RGS7: variants seen among roughly 807,000 people sequenced by gnomAD.
RGS7 encodes the protein regulator of G protein signaling 7.
RGS7 carries 27 observed loss-of-function variants against 81.1 expected under a neutral mutation model. That is an observed-to-expected ratio of 0.33 (90% confidence interval 0.25 to 0.46). The LOEUF is 0.46. Among genes scored for constraint, RGS7 ranks in the 20% least tolerant of loss-of-function variants. The pLI, the probability that RGS7 is intolerant of heterozygous loss-of-function variation, is 1.00. For synonymous variants in RGS7, 208 were observed against 207.7 expected, an observed-to-expected ratio of 1.00 and a Z score of -0.01; for missense variants, 396 against 607.4, an observed-to-expected ratio of 0.65 and a Z score of 3.66.
chr1:241,075,826 G>A (rs1224128957), intron 3 of RGS7, among the ~76,000 whole-genome samples: 2 of 152,186 alleles, frequency 1.3e-5, no homozygotes, highest in African/African-American at 4.8e-5. Flanking sequence ...CTACTAGGAA[G>A]AGCTACCAAA....
At chr1:240,982,596 A>G (rs2148556548) in intron 4 of RGS7, among the ~76,000 whole-genome samples, 1 of 152,280 alleles carries the variant, frequency 6.6e-6, no homozygotes, top group East Asian at 1.9e-4. Flanking sequence ...TGACTTAAAT[A>G]GAGCGTTTCT....
chr1:241,103,990 C>G (rs1049697526), intron 2 of RGS7, among the ~76,000 whole-genome samples: 1 of 152,144 alleles, frequency 6.6e-6, no homozygotes, highest in Admixed American at 6.5e-5. Flanking sequence ...GCATTTAGGC[C>G]GGTTAGACCT....
At position 241,134,797 on chromosome 1, in the gene RGS7, G is replaced by A. The variant is rs536513077; in HGVS notation, c.79-36035C>T. ...TCCTCACTGAAAGATTGTCCCCGGGGCCTGAAAGCTTGAAGAGATGAGAAA... is the reference window on the plus strand; with the variant it reads ...TCCTCACTGAAAGATTGTCCCCGGGACCTGAAAGCTTGAAGAGATGAGAAA... On this transcript the variant is annotated intron_variant, in intron 2 of 18. Coordinates refer to ENST00000440928, the MANE Select transcript of RGS7 (RefSeq NM_001364886.1). Among the ~76,000 whole-genome samples, 5 of 152,218 alleles carry A rather than the reference G, an allele frequency of 3.3e-5. No individual in the cohort carries two copies. In the South Asian group the frequency reaches 1.0e-3, roughly 32 times the overall value.
chr1:240,806,365 C>A lies in RGS7; in HGVS notation c.1083-39G>T, dbSNP rs769588300. 1.9e-6 allele frequency: 3 copies of A among 1,589,214 alleles called. No homozygotes were observed. The South Asian group carries it at 3.3e-5, about 18-fold the overall frequency. On this transcript the variant is annotated intron_variant, in intron 14 of 18. Transcript: ENST00000440928. ...GAGATCGGGTGTTTACTCTGATGGCCCATCATCTGAAAATTCTTGTGACAT... is the reference window on the plus strand; with the variant it reads ...GAGATCGGGTGTTTACTCTGATGGCACATCATCTGAAAATTCTTGTGACAT...
chr1:241,078,485 A>ATGTGTGTG (rs60742879), intron 3 of RGS7, among the ~76,000 whole-genome samples: 111 of 143,608 alleles, frequency 7.7e-4, no homozygotes, highest in African/African-American at 2.7e-3. Flanking sequence ...CACGTAAGTT[A>ATGTGTGTG]TGTGTGTGTG....
chr1:240,780,534 C>T (rs1414738412), intron 18 of RGS7, among the ~76,000 whole-genome samples: 2 of 149,346 alleles, frequency 1.3e-5, no homozygotes, highest in Non-Finnish European at 3.0e-5. Context: ...GGAATGAATT[C>T]TTATATAGTA....
chr1:241,072,213 C>T (rs952713024), intron 3 of RGS7, among the ~76,000 whole-genome samples: 1 of 152,130 alleles, frequency 6.6e-6, no homozygotes, highest in African/African-American at 2.4e-5. Context: ...TTCTAAAAGA[C>T]CTTGAGTGGT....
At chr1:241,001,647 C>T (rs1236129733) in intron 3 of RGS7, among the ~76,000 whole-genome samples, 5 of 152,046 alleles carry the variant, frequency 3.3e-5, no homozygotes, top group African/African-American at 1.2e-4. Context: ...CATGGCAGAA[C>T]CTTAAGTGCA....
intron 2 of RGS7, among the ~76,000 whole-genome samples, chr1:241,155,608 G>T (rs2069066938): frequency 6.7e-6 from 1 of 149,718 alleles, no homozygotes; most frequent in Non-Finnish European, 1.5e-5. Flanking sequence ...AATGACCTAG[G>T]CTGTTACAAA....
intron 14 of RGS7, among the ~76,000 whole-genome samples, chr1:240,811,191 G>A (rs1340744859): frequency 2.0e-5 from 3 of 152,146 alleles, no homozygotes; most frequent in Non-Finnish European, 4.4e-5. Context: ...AAAGAATAAT[G>A]AATGAAAGAA....
At chr1:241,301,390 A>ATC (rs2079748248) in intron 2 of RGS7, among the ~76,000 whole-genome samples, 1 of 152,266 alleles carries the variant, frequency 6.6e-6, no homozygotes, top group East Asian at 1.9e-4. Context: ...AGGGGTTCAA[A>ATC]TAGAATCATC....
At chr1:240,928,485 C>T (rs188962174) in intron 6 of RGS7, among the ~76,000 whole-genome samples, 1 of 152,210 alleles carries the variant, frequency 6.6e-6, no homozygotes, top group African/African-American at 2.4e-5. Flanking sequence ...GAAACATCAA[C>T]CTACTATAAA....
At position 241,192,252 on chromosome 1, in the gene RGS7, C is replaced by CGTGTGTGT. The variant is rs56677676; in HGVS notation, c.79-93498_79-93491dup. 1.6e-3 allele frequency among the ~76,000 whole-genome samples: 199 copies of CGTGTGTGT among 124,752 alleles called. 1 individual carries two copies. The highest frequency in any genetic ancestry group is 8.0e-3 in the Middle Eastern group (2 of 250). The allele number at this position is 124,752 out of a possible 152,430, so 81.8% of individuals were successfully genotyped here. A position where few individuals can be genotyped will look rare whatever the true frequency, so the allele number is the denominator to read the frequency against. Reference sequence around the variant, plus strand: ...GGCTTGGTTTTATTTTCTGTCTGCACGTGTGTGTGTGTGTGTGTGTGTGTG... The same window carrying CGTGTGTGT: ...GGCTTGGTTTTATTTTCTGTCTGCACGTGTGTGTGTGTGTGTGTGTGTGTGTGTGTGTG... On this transcript the variant is annotated intron_variant, in intron 2 of 18. Coordinates refer to ENST00000440928, the MANE Select transcript of RGS7 (RefSeq NM_001364886.1).
rs2077899561 is a variant in RGS7, at chr1:241,271,613, A to T, written c.78+84086T>A. Among the ~76,000 whole-genome samples the T allele has an allele frequency of 6.6e-6, 1 of 152,172 alleles. No homozygotes were observed. Among genetic ancestry groups the T allele is most frequent in the African/African-American group, 2.4e-5 (1 of 41,434 alleles). On this transcript the variant is annotated intron_variant, in intron 2 of 18. Transcript: ENST00000440928. The surrounding 1 kb of genome is among the most constrained non-coding windows in gnomAD (Gnocchi z 4.6). The stretch of plus-strand genomic sequence containing the variant: ...TAGCATTTGAATGGTGGACTGAGTA[A>T]AGCAGACTGCCCATCCCACTGTGGG...
chr1:240,803,025 T>C (rs1232662081), intron 15 of RGS7, 32 bp from the exon 16 acceptor site: 6 of 1,455,190 alleles, frequency 4.1e-6, no homozygotes, highest in Middle Eastern at 3.6e-4. Context: ...GGTGCTTCTT[T>C]ATGATTTCTT....
intron 2 of RGS7, among the ~76,000 whole-genome samples, chr1:241,132,005 T>C (rs1572829268): frequency 6.6e-6 from 1 of 152,300 alleles, no homozygotes; most frequent in African/African-American, 2.4e-5. Context: ...CTGGAAAATG[T>C]GATGGATTGT....
At chr1:240,892,379 A>C (rs1162994577) in intron 6 of RGS7, among the ~76,000 whole-genome samples, 1 of 152,204 alleles carries the variant, frequency 6.6e-6, no homozygotes, top group Non-Finnish European at 1.5e-5. Context: ...TTGTATGCTC[A>C]CTTGACTGCA....
chr1:241,158,060 C>T (rs2069326304), intron 2 of RGS7, among the ~76,000 whole-genome samples: 1 of 151,730 alleles, frequency 6.6e-6, no homozygotes, highest in Non-Finnish European at 1.5e-5. Flanking sequence ...ACCTTATGAT[C>T]CGCCCGCCTC....
At chr1:241,037,173 G>A (rs1027286542) in intron 3 of RGS7, among the ~76,000 whole-genome samples, 1 of 152,132 alleles carries the variant, frequency 6.6e-6, no homozygotes, top group Non-Finnish European at 1.5e-5. Context: ...AGGCTTAGTC[G>A]TTATGGAGTA....
Sources: gnomAD v4.1 joint callset for allele counts (sites outside exome capture counted in the v4.1 genomes callset) on GRCh38, gnomAD v4.1.1 for gene constraint, Gnocchi (gnomAD v3.1) non-coding constraint, MANE v1.5 for transcripts, NCBI Gene and HGNC (gene_info 2026-07-23, HGNC 2026-07-21) for gene names.